The following PACRG variants were observed in gnomAD, a reference collection of about 807,000 sequenced individuals.
The protein encoded by PACRG is parkin coregulated gene protein.
Under a neutral mutation model 29.7 loss-of-function variants are expected in PACRG, and 29 were observed. That is an observed-to-expected ratio of 0.98 (90% CI 0.73 to 1.33). The LOEUF is 1.33. Ranked by LOEUF, PACRG falls within the 40% of genes most tolerant of loss-of-function variation. PACRG has a pLI of 0.00. For missense variants in PACRG, 279 were observed against 316.2 expected (o/e 0.88, Z 0.89); for synonymous variants, 116 against 118.7 (o/e 0.98, Z 0.15).
chr6:163,258,566 G>T (rs1464787678), intron 4 of PACRG, among the ~76,000 whole-genome samples: 2 of 151,994 alleles, frequency 1.3e-5, no homozygotes, highest in Non-Finnish European at 2.9e-5. Flanking sequence ...AACCATCCTG[G>T]CTAACACGGT....
At chr6:162,779,998 A>C (rs1253407989) in intron 1 of PACRG, among the ~76,000 whole-genome samples, 1 of 152,230 alleles carries the variant, frequency 6.6e-6, no homozygotes, top group Non-Finnish European at 1.5e-5. Context: ...CTTAGAATTC[A>C]AGGAAGTTAA....
chr6:162,806,399 C>G (rs1786331679), intron 1 of PACRG, among the ~76,000 whole-genome samples: 1 of 150,930 alleles, frequency 6.6e-6, no homozygotes, highest in Non-Finnish European at 1.5e-5. Context: ...TGTGAGCCAC[C>G]ACACCTGGCC....
chr6:162,917,715 C>A (rs898083671), intron 2 of PACRG, among the ~76,000 whole-genome samples: 86 of 152,202 alleles, frequency 5.7e-4, no homozygotes, highest in African/African-American at 2.0e-3. Flanking sequence ...TGTGGCACTG[C>A]CGGAGTTCTG....
chr6:162,932,822 G>T (rs952109713), intron 2 of PACRG, among the ~76,000 whole-genome samples: 1 of 151,666 alleles, frequency 6.6e-6, no homozygotes, highest in African/African-American at 2.4e-5. Context: ...TTAAAAAACA[G>T]CCTTTTACAT....
At chr6:162,806,224 T>A (rs1393345048) in intron 1 of PACRG, among the ~76,000 whole-genome samples, 4 of 151,856 alleles carry the variant, frequency 2.6e-5, no homozygotes, top group Non-Finnish European at 4.4e-5. Flanking sequence ...TTCTCCTGCC[T>A]CAGTCTCCCA....
chr6:162,847,891 G>T (rs982072259), intron 2 of PACRG, among the ~76,000 whole-genome samples: 2 of 152,110 alleles, frequency 1.3e-5, no homozygotes, highest in Non-Finnish European at 2.9e-5. Flanking sequence ...CTAGTGAGAA[G>T]CCCTGAAAGG....
chr6:163,310,470 G>A (rs12197625), intron 4 of PACRG: 21,597 of 152,140 alleles, frequency 0.14, 1,877 homozygotes, highest in African/African-American at 0.25. Context: ...CCTATAGCGC[G>A]GAGTAGATGC....
rs1409478187 is a variant in PACRG at position 163,270,007 on chromosome 6, G to GAAA, written c.614-44820_614-44819insAAA. Among the ~76,000 whole-genome samples the GAAA allele has an allele frequency of 8.4e-4, 71 of 84,292 alleles. 16 individuals are homozygous for GAAA. The highest frequency in any genetic ancestry group is 3.6e-3 in the African/African-American group (65 of 18,128). 55.3% of individuals were successfully genotyped at this position (84,292 alleles called of 152,430 possible). On this transcript the variant is annotated intron_variant, in intron 4 of 4. Coordinates refer to ENST00000366888, the MANE Select transcript of PACRG (RefSeq NM_001080379.2). ...AGAAAGAAAGAAAGAAAGAAAGAAA[G>GAAA]GAGGGAGGGAGGGAGGGAGGAAGGA...
At chr6:162,954,173 G>A (rs544105831) in intron 2 of PACRG, among the ~76,000 whole-genome samples, 1 of 152,294 alleles carries the variant, frequency 6.6e-6, no homozygotes, top group Non-Finnish European at 1.5e-5. Flanking sequence ...TTCAGAGACT[G>A]ATGAAATGTT....
At chr6:163,016,763 C>T (rs990376963) in intron 2 of PACRG, among the ~76,000 whole-genome samples, 2 of 151,882 alleles carry the variant, frequency 1.3e-5, no homozygotes, top group Non-Finnish European at 2.9e-5. Flanking sequence ...AGTAGTTATT[C>T]AGTTTGATTT....
At chr6:163,212,751 A>ATTAT (rs374972368) in intron 4 of PACRG, among the ~76,000 whole-genome samples, 74,219 of 151,618 alleles carry the variant, frequency 0.49, 18,577 homozygotes, top group East Asian at 0.76. Flanking sequence ...TATAAAGGGA[A>ATTAT]GAAGAGTAAC....
At chr6:163,251,900 C>T (rs1782918518) in intron 4 of PACRG, among the ~76,000 whole-genome samples, 1 of 152,192 alleles carries the variant, frequency 6.6e-6, no homozygotes, top group Non-Finnish European at 1.5e-5. Context: ...ATTGCTTAAC[C>T]TTTCCATGGT....
At chr6:163,169,939 TCG>T (rs1778992506) in intron 4 of PACRG, among the ~76,000 whole-genome samples, 1 of 152,190 alleles carries the variant, frequency 6.6e-6, no homozygotes, top group South Asian at 2.1e-4. Flanking sequence ...GGCCACTTTC[TCG>T]CTGTGTCCTC....
chr6:163,165,698 A>G (rs1244696164), intron 4 of PACRG: 3 of 202,666 alleles, frequency 1.5e-5, no homozygotes, highest in Non-Finnish European at 3.0e-5. Flanking sequence ...CTCAAATTCA[A>G]GCCTTCAAGT....
intron 4 of PACRG, among the ~76,000 whole-genome samples, chr6:163,116,682 C>T (rs184446755): frequency 6.6e-6 from 1 of 152,198 alleles, no homozygotes; most frequent in Non-Finnish European, 1.5e-5. Flanking sequence ...GTCAGGGGCT[C>T]AAGGGCCATT....
intron 4 of PACRG, among the ~76,000 whole-genome samples, chr6:163,299,749 C>T (rs193232957): frequency 6.6e-5 from 10 of 152,138 alleles, no homozygotes; most frequent in East Asian, 5.8e-4. Context: ...CATGGGGGCG[C>T]GTGCCTGTAG....
intron 2 of PACRG, among the ~76,000 whole-genome samples, chr6:162,826,664 C>T (rs537111979): frequency 6.6e-5 from 10 of 151,904 alleles, no homozygotes; most frequent in Admixed American, 5.9e-4. Context: ...GGTTTCTCCA[C>T]GTTGGTCAGG....
intron 4 of PACRG, among the ~76,000 whole-genome samples, chr6:163,224,583 G>A (rs1781714189): frequency 6.6e-6 from 1 of 151,910 alleles, no homozygotes; most frequent in Non-Finnish European, 1.5e-5. Context: ...CATAACACAG[G>A]GAAGGGACAG....
intron 4 of PACRG, among the ~76,000 whole-genome samples, chr6:163,307,002 T>C (rs573182369): frequency 4.1e-4 from 62 of 152,364 alleles, no homozygotes; most frequent in Non-Finnish European, 7.8e-4. Flanking sequence ...ACTAAGTTAT[T>C]GAAAATTATA....
Sources: allele counts gnomAD v4.1 joint callset (sites outside exome capture counted in the v4.1 genomes callset), GRCh38; gene constraint gnomAD v4.1.1; transcripts MANE v1.5; gene names NCBI Gene and HGNC (gene_info 2026-07-23, HGNC 2026-07-21).